TOPAZ1: variants seen among roughly 807,000 people sequenced by gnomAD.
TOPAZ1 encodes testis and ovary specific TOPAZ 1.
In TOPAZ1, 66 loss-of-function variants were observed where a neutral mutation model predicts 172.2. The observed-to-expected ratio is 0.38, with a 90% CI of 0.31 to 0.47. The LOEUF is 0.47. Ranked by LOEUF, TOPAZ1 falls within the 20% of genes least tolerant of loss-of-function variation. The probability of loss-of-function intolerance (pLI) is 0.99; values close to 1 mark genes in which losing one functional copy is unlikely to be tolerated. For missense variants in TOPAZ1, 1,822 were observed against 1,972.4 expected, an observed-to-expected ratio of 0.92 and a Z score of 1.44; for synonymous variants, 681 against 683.9, an observed-to-expected ratio of 1.00 and a Z score of 0.07.
chr3:44,255,616 C>A (rs1462432578), intron 3 of TOPAZ1, among the ~76,000 whole-genome samples: 4 of 148,062 alleles, frequency 2.7e-5, no homozygotes, highest in African/African-American at 9.9e-5. Flanking sequence ...CACGCCACTG[C>A]ACTCCAGCCT....
intron 4 of TOPAZ1, among the ~76,000 whole-genome samples, chr3:44,260,737 CATTT>C (rs1160879241): frequency 1.3e-5 from 2 of 152,044 alleles, no homozygotes; most frequent in East Asian, 1.9e-4. Flanking sequence ...ATTATATACT[CATTT>C]ATATATTTGA....
At chr3:44,299,621 C>T in intron 12 of TOPAZ1, among the ~76,000 whole-genome samples, 1 of 152,130 alleles carries the variant, frequency 6.6e-6, no homozygotes, top group Non-Finnish European at 1.5e-5. Context: ...GAAAGGACTA[C>T]AAATCATGCT....
In TOPAZ1 at chr3:44,311,214, A is replaced by T. The variant is rs79155144; in HGVS notation, c.4306+1224A>T. On this transcript the variant is annotated intron_variant, in intron 16 of 19. Transcript: ENST00000309765. ...ATATGTTCAGTGCTGAGGGTTTAAT[A>T]CAGAGGTTGTGAGTAGGCTTCATTC... 7.9e-3 allele frequency among the ~76,000 whole-genome samples: 1,210 copies of T among 152,294 alleles called. 16 individuals carry two copies. Among genetic ancestry groups the T allele is most frequent in the African/African-American group, 0.028 (1,159 of 41,548 alleles).
chr3:44,311,617 GAC>G (rs1254105703), intron 16 of TOPAZ1, among the ~76,000 whole-genome samples: 34 of 151,898 alleles, frequency 2.2e-4, no homozygotes, highest in Admixed American at 2.2e-3. Context: ...TTTTTGCAGT[GAC>G]AGTTTCAACT....
At chr3:44,326,158 A>G (rs1247613723) in intron 18 of TOPAZ1, among the ~76,000 whole-genome samples, 2 of 152,178 alleles carry the variant, frequency 1.3e-5, no homozygotes, top group African/African-American at 2.4e-5. Context: ...ATATGCATTC[A>G]TTTCTCTTGG....
intron 8 of TOPAZ1, among the ~76,000 whole-genome samples, chr3:44,274,168 G>C (rs1007145954): frequency 6.9e-6 from 1 of 145,714 alleles, no homozygotes; most frequent in East Asian, 2.1e-4. Flanking sequence ...CCAGCACTTT[G>C]GGAGGGTGAG....
intron 8 of TOPAZ1, 84 bp from the exon 9 acceptor site, chr3:44,281,884 A>T: frequency 1.2e-6 from 1 of 824,652 alleles, no homozygotes; most frequent in Admixed American, 3.2e-5. Flanking sequence ...ATTTCAATAT[A>T]AGCAAAAAGA....
downstream of TOPAZ1, among the ~76,000 whole-genome samples, chr3:44,333,625 A>G (rs1700693408): frequency 6.6e-6 from 1 of 152,180 alleles, no homozygotes; most frequent in Non-Finnish European, 1.5e-5. Context: ...GGAATGGTTT[A>G]CAAGTGTCTG....
chr3:44,291,340 C>A (rs1369721943), intron 12 of TOPAZ1, among the ~76,000 whole-genome samples: 11 of 150,116 alleles, frequency 7.3e-5, no homozygotes, highest in Middle Eastern at 3.3e-3. Flanking sequence ...CCGTGGCTCA[C>A]GCCTGTAATC....
At chr3:44,325,815 G>T (rs1276045539) in intron 18 of TOPAZ1, among the ~76,000 whole-genome samples, 1 of 151,994 alleles carries the variant, frequency 6.6e-6, no homozygotes, top group Non-Finnish European at 1.5e-5. Flanking sequence ...AGCTAATTTT[G>T]TATTTTTAGT....
At chr3:44,313,325 C>T (rs1023230258) in intron 16 of TOPAZ1, among the ~76,000 whole-genome samples, 6 of 151,878 alleles carry the variant, frequency 4.0e-5, no homozygotes, top group Non-Finnish European at 7.4e-5. Context: ...TAGAAAGCTC[C>T]CCCGGGCCAG....
At chr3:44,276,982 G>A (rs777007412) in intron 8 of TOPAZ1, among the ~76,000 whole-genome samples, 4 of 151,922 alleles carry the variant, frequency 2.6e-5, no homozygotes, top group South Asian at 4.2e-4. Flanking sequence ...TAGTAGAGAC[G>A]GGATTTCACC....
chr3:44,296,182 T>C (rs1203454154), intron 12 of TOPAZ1, among the ~76,000 whole-genome samples: 2 of 152,096 alleles, frequency 1.3e-5, no homozygotes, highest in East Asian at 1.9e-4. Context: ...AATGAAAATA[T>C]GTCACAACTT....
chr3:44,285,123 G>T (rs1700063948), intron 9 of TOPAZ1, among the ~76,000 whole-genome samples: 1 of 152,106 alleles, frequency 6.6e-6, no homozygotes, highest in African/African-American at 2.4e-5. Flanking sequence ...ACCTGATTCT[G>T]GTGAGTAATT....
intron 4 of TOPAZ1, among the ~76,000 whole-genome samples, chr3:44,257,355 GTGTGT>G (rs1559527671): frequency 0.013 from 397 of 29,644 alleles, 3 homozygotes; most frequent in African/African-American, 0.05. Flanking sequence ...ACATAGGGGT[GTGTGT>G]GTGTGTGTGT....
chr3:44,243,092 G>A lies in TOPAZ1; in HGVS notation c.586G>A (p.Val196Ile), dbSNP rs9284879. 0.5 allele frequency: 769,289 copies of A among 1,546,734 alleles called. 197,564 individuals are homozygous for A. The highest frequency in any genetic ancestry group is 0.83 in the East Asian group (33,737 of 40,862). The change falls in exon 2 of 20, where the codon GTT becomes ATT. Residue 196 changes from valine to isoleucine, a missense_variant. By Grantham distance (29) the Val-to-Ile change is conservative. Around this residue, in one of 2 missense-constraint regions of TOPAZ1, gnomAD observed 1,489 missense variants for 1,490.8 expected, o/e 1.00. Coordinates refer to ENST00000309765, the MANE Select transcript of TOPAZ1 (RefSeq NM_001145030.2). ...AAATGAGGCTACACAAAATATTAAG[G>A]TTGAATTCCAAGATGAACTGTACAA... ...TENEATQNIK[V>I]EFQDELYKNT... is the part of the protein sequence containing the mutation.
chr3:44,248,722 G>A (rs1699594939), intron 2 of TOPAZ1, among the ~76,000 whole-genome samples: 1 of 152,228 alleles, frequency 6.6e-6, no homozygotes, highest in South Asian at 2.1e-4. Flanking sequence ...CTGAGAGGCT[G>A]AAGGCTGCTG....
chr3:44,319,377 C>G (rs532140381), intron 16 of TOPAZ1, among the ~76,000 whole-genome samples: 1 of 152,038 alleles, frequency 6.6e-6, no homozygotes, highest in South Asian at 2.1e-4. Flanking sequence ...AAAAATGTGA[C>G]CATTACCCTA....
intron 17 of TOPAZ1, 61 bp from the exon 18 acceptor site, chr3:44,323,031 G>A: frequency 8.6e-7 from 1 of 1,165,772 alleles, no homozygotes. Flanking sequence ...AGGAGTATGA[G>A]ATGGAGGTTT....
Sources: allele counts gnomAD v4.1 joint callset (sites outside exome capture counted in the v4.1 genomes callset), GRCh38; gene constraint gnomAD v4.1.1; regional missense constraint gnomAD v4.1.1; transcripts MANE v1.5; gene names NCBI Gene and HGNC (gene_info 2026-07-23, HGNC 2026-07-21).